The following CCDC85A variants were observed in gnomAD, a reference collection of about 807,000 sequenced individuals.
The protein encoded by CCDC85A is coiled-coil domain containing 85A, also known as coiled-coil domain-containing protein 85A.
CCDC85A carries 38 observed loss-of-function variants against 50.2 expected under a neutral mutation model. That is an observed-to-expected ratio of 0.76 (90% CI 0.58 to 0.99). The LOEUF is 0.99. CCDC85A is among the 50% of genes least tolerant of loss of function. The pLI, the probability that CCDC85A is intolerant of heterozygous loss-of-function variation, is 0.00. For missense variants in CCDC85A, 820 were observed against 742.0 expected (o/e 1.11, Z -1.22); for synonymous variants, 366 against 301.4 (o/e 1.21, Z -2.22).
intron 2 of CCDC85A, among the ~76,000 whole-genome samples, chr2:56,329,002 C>T (rs549204109): frequency 2.0e-5 from 3 of 152,246 alleles, no homozygotes; most frequent in African/African-American, 7.2e-5. Flanking sequence ...GTGGGCTCCT[C>T]CTGCAAGCAG....
At chr2:56,265,699 T>A (rs1670410137) in intron 2 of CCDC85A, among the ~76,000 whole-genome samples, 1 of 152,188 alleles carries the variant, frequency 6.6e-6, no homozygotes, top group Non-Finnish European at 1.5e-5. Flanking sequence ...TTGGTGGTAT[T>A]GTAAATTAGT....
chr2:56,362,187 G>T (rs1236109340), intron 3 of CCDC85A, among the ~76,000 whole-genome samples: 1 of 152,126 alleles, frequency 6.6e-6, no homozygotes, highest in African/African-American at 2.4e-5. Flanking sequence ...GGGAAGAATT[G>T]AGGATGACTT....
chr2:56,384,406 G>C lies in CCDC85A; in HGVS notation c.*51G>C, dbSNP rs199678184. 1 of 1,384,260 alleles carries C rather than the reference G, an allele frequency of 7.2e-7. No individual in the cohort carries two copies. The highest frequency in any genetic ancestry group is 2.3e-5 in the East Asian group (1 of 43,410). The allele number at this position is 1,384,260 out of a possible 1,614,324, so 85.7% of individuals were successfully genotyped here. ...TCACCACTGCCAGAAAGTGATAGAA[G>C]ACAAGAAGAAAAAGGAAAGAGTGGG... On this transcript the variant is annotated 3_prime_UTR_variant, in exon 6 of 6. Coordinates refer to ENST00000407595, the MANE Select transcript of CCDC85A (RefSeq NM_001080433.2).
At chr2:56,255,770 G>C (rs531967082) in intron 2 of CCDC85A, among the ~76,000 whole-genome samples, 3 of 152,048 alleles carry the variant, frequency 2.0e-5, no homozygotes, top group Non-Finnish European at 2.9e-5. Flanking sequence ...TGTTGTTGTT[G>C]TTTTGTTTTA....
At chr2:56,360,345 A>C (rs1675463571) in intron 3 of CCDC85A, among the ~76,000 whole-genome samples, 1 of 152,178 alleles carries the variant, frequency 6.6e-6, no homozygotes, top group Admixed American at 6.5e-5. Context: ...CGTTGAGGAC[A>C]AGTGACTTGC....
chr2:56,302,088 T>A (rs542075799), intron 2 of CCDC85A, among the ~76,000 whole-genome samples: 79 of 152,108 alleles, frequency 5.2e-4, no homozygotes, highest in African/African-American at 1.9e-3. Context: ...AAATCCCATC[T>A]CTACTAAAAA....
At chr2:56,218,325 A>T (rs577057531) in intron 2 of CCDC85A, among the ~76,000 whole-genome samples, 174 of 151,968 alleles carry the variant, frequency 1.1e-3, no homozygotes, top group Non-Finnish European at 2.0e-3. Context: ...TAATTTTTTT[A>T]AATAAAAAAT....
intron 3 of CCDC85A, among the ~76,000 whole-genome samples, chr2:56,364,832 G>C (rs995123447): frequency 2.0e-5 from 3 of 151,738 alleles, no homozygotes; most frequent in African/African-American, 7.2e-5. Context: ...ATTTTCCAGT[G>C]TAGGCAATAA....
chr2:56,343,794 T>A (rs1240499614), intron 3 of CCDC85A, among the ~76,000 whole-genome samples: 1 of 152,212 alleles, frequency 6.6e-6, no homozygotes, highest in African/African-American at 2.4e-5. Flanking sequence ...GGCAAAATTA[T>A]ACCTCAAACA....
chr2:56,244,414 A>C (rs559323189), intron 2 of CCDC85A, among the ~76,000 whole-genome samples: 1 of 152,026 alleles, frequency 6.6e-6, no homozygotes, highest in East Asian at 2.0e-4. Flanking sequence ...AGTGCCTTTC[A>C]GTCAACTTGT....
rs186652874 is a variant in CCDC85A at position 56,270,946 on chromosome 2, T to C, written c.1241-71933T>C. 2.9e-3 allele frequency among the ~76,000 whole-genome samples: 440 copies of C among 152,350 alleles called. 5 individuals carry two copies. Among genetic ancestry groups the C allele is most frequent in the African/African-American group, 0.01 (423 of 41,570 alleles). Reference sequence around the variant, plus strand: ...CTGTTTCATGCATTGTGTTAGTTACTAGTTGCTGTATTATTTCATCAAATC... The same window carrying C: ...CTGTTTCATGCATTGTGTTAGTTACCAGTTGCTGTATTATTTCATCAAATC... On this transcript the variant is annotated intron_variant, in intron 2 of 5. Coordinates refer to ENST00000407595, the MANE Select transcript of CCDC85A (RefSeq NM_001080433.2).
chr2:56,214,985 G>A (rs1012233045), intron 2 of CCDC85A, among the ~76,000 whole-genome samples: 1 of 151,912 alleles, frequency 6.6e-6, no homozygotes, highest in African/African-American at 2.4e-5. Context: ...TAACAGTATT[G>A]AGTCTTCCAA....
chr2:56,375,753 T>G, intron 4 of CCDC85A, 63 bp from the exon 5 acceptor site: 3 of 1,530,852 alleles, frequency 2.0e-6, no homozygotes, highest in Non-Finnish European at 2.7e-6. Flanking sequence ...GAATATTGAA[T>G]GACATCTTTG....
At chr2:56,265,574 G>A (rs1035571040) in intron 2 of CCDC85A, among the ~76,000 whole-genome samples, 2 of 152,162 alleles carry the variant, frequency 1.3e-5, no homozygotes, top group Non-Finnish European at 2.9e-5. Context: ...TCAGAGAAAT[G>A]CAAATTAAAA....
chr2:56,294,286 G>A (rs765421441), intron 2 of CCDC85A, among the ~76,000 whole-genome samples: 6 of 152,122 alleles, frequency 3.9e-5, no homozygotes, highest in Non-Finnish European at 7.4e-5. Flanking sequence ...GGGGCCTTTT[G>A]GGGGGTGGCA....
intron 5 of CCDC85A, 40 bp downstream of exon 5, chr2:56,375,975 T>A: frequency 6.3e-7 from 1 of 1,599,578 alleles, no homozygotes; most frequent in Admixed American, 1.7e-5. Flanking sequence ...GAGCTTCAGT[T>A]GTGTCGTCGC....
chr2:56,311,358 C>T (rs916319952), intron 2 of CCDC85A, among the ~76,000 whole-genome samples: 2 of 152,090 alleles, frequency 1.3e-5, no homozygotes, highest in African/African-American at 4.8e-5. Context: ...CATCAATGCT[C>T]AAACATAGGA....
intron 1 of CCDC85A, among the ~76,000 whole-genome samples, chr2:56,191,162 C>T (rs1282091712): frequency 2.6e-5 from 4 of 152,190 alleles, no homozygotes; most frequent in Admixed American, 2.6e-4. Context: ...GGTGCCTGCT[C>T]AAATGTTTCC....
chr2:56,334,661 A>C (rs929861926), intron 2 of CCDC85A, among the ~76,000 whole-genome samples: 1 of 152,242 alleles, frequency 6.6e-6, no homozygotes, highest in Non-Finnish European at 1.5e-5. Flanking sequence ...AATACCTCCA[A>C]CAACAAGAGC....
Sources: allele counts gnomAD v4.1 joint callset (sites outside exome capture counted in the v4.1 genomes callset), GRCh38; gene constraint gnomAD v4.1.1; transcripts MANE v1.5; gene names NCBI Gene and HGNC (gene_info 2026-07-23, HGNC 2026-07-21).